Variants in MAPK10 observed in about 807,000 individuals in gnomAD.
MAPK10 encodes the protein JNK3 alpha protein kinase.
A neutral mutation model predicts 59.3 loss-of-function variants in MAPK10; 25 were observed. The ratio of observed to expected loss-of-function variants is 0.42; its 90% CI spans 0.31 to 0.59. The LOEUF (loss-of-function observed/expected upper bound fraction) is 0.59. Among genes scored for constraint, MAPK10 ranks in the 20% least tolerant of loss-of-function variants. MAPK10 has a pLI of 0.15. For synonymous variants in MAPK10, 190 were observed against 200.5 expected (o/e 0.95, Z 0.44); for missense variants, 351 against 568.9 (o/e 0.62, Z 3.90).
At chr4:86,184,640 T>C (rs1329654263) in intron 3 of MAPK10, among the ~76,000 whole-genome samples, 1 of 152,064 alleles carries the variant, frequency 6.6e-6, no homozygotes, top group African/African-American at 2.4e-5. Flanking sequence ...CTCACTACAG[T>C]GAGTGAGTTC....
intron 1 of MAPK10, among the ~76,000 whole-genome samples, chr4:86,466,930 T>C (rs1056971428): frequency 6.6e-6 from 1 of 152,220 alleles, no homozygotes; most frequent in African/African-American, 2.4e-5. Flanking sequence ...TGTGGGTCTG[T>C]TGTCTCTCTT....
intron 2 of MAPK10, among the ~76,000 whole-genome samples, chr4:86,343,823 A>T (rs1726510866): frequency 6.6e-6 from 1 of 152,238 alleles, no homozygotes; most frequent in Admixed American, 6.5e-5. Context: ...CAGATTGGCA[A>T]AAGTGTAAAA....
intron 1 of MAPK10, among the ~76,000 whole-genome samples, chr4:86,487,512 G>A (rs559904339): frequency 4.6e-5 from 7 of 152,060 alleles, no homozygotes; most frequent in Admixed American, 2.0e-4. Context: ...AGTGGATCAC[G>A]AAGTCAGGAG....
At chr4:86,166,520 T>G (rs759205716) in intron 3 of MAPK10, among the ~76,000 whole-genome samples, 4 of 152,110 alleles carry the variant, frequency 2.6e-5, no homozygotes, top group Non-Finnish European at 5.9e-5. Context: ...GTTAGCAGTT[T>G]TAGAGTATTT....
chr4:86,453,675 G>T (rs1443891735), upstream of MAPK10, among the ~76,000 whole-genome samples: 1 of 148,688 alleles, frequency 6.7e-6, no homozygotes, highest in Non-Finnish European at 1.5e-5. Context: ...TCCTTCCCAA[G>T]CCATCCTGGT....
At chr4:86,386,494 G>A (rs1054701007) in intron 1 of MAPK10, among the ~76,000 whole-genome samples, 1 of 152,122 alleles carries the variant, frequency 6.6e-6, no homozygotes, top group Middle Eastern at 3.2e-3. Context: ...TTGGTTCATT[G>A]GTTCGCTTGG....
intron 2 of MAPK10, among the ~76,000 whole-genome samples, chr4:86,209,441 C>G (rs2085158292): frequency 1.3e-5 from 2 of 152,046 alleles, no homozygotes; most frequent in African/African-American, 4.8e-5. Context: ...ACTCTGGAGT[C>G]TATTGAAGGC....
intron 1 of MAPK10, among the ~76,000 whole-genome samples, chr4:86,525,140 A>C (rs1296824318): frequency 6.6e-6 from 1 of 151,956 alleles, no homozygotes; most frequent in East Asian, 1.9e-4. Flanking sequence ...CACCAAAAAT[A>C]CAAAAAATTA....
intron 2 of MAPK10, among the ~76,000 whole-genome samples, chr4:86,295,058 C>T (rs2095323168): frequency 6.6e-6 from 1 of 152,200 alleles, no homozygotes; most frequent in Admixed American, 6.5e-5. Context: ...ACATCAAAGC[C>T]TGCTCTGCAC....
intron 2 of MAPK10, among the ~76,000 whole-genome samples, chr4:86,218,237 G>A (rs2035057): frequency 4.0e-5 from 6 of 151,774 alleles, no homozygotes; most frequent in Non-Finnish European, 8.8e-5. Context: ...GGAGTCTCAC[G>A]CTGTCACCTA....
intron 2 of MAPK10, among the ~76,000 whole-genome samples, chr4:86,350,651 G>A (rs1043996540): frequency 2.0e-5 from 3 of 152,288 alleles, no homozygotes; most frequent in South Asian, 4.1e-4. Flanking sequence ...CACCTGGCCA[G>A]AAGTATGGCA....
At chr4:86,214,759 AT>A (rs1393122692) in intron 2 of MAPK10, among the ~76,000 whole-genome samples, 2 of 152,116 alleles carry the variant, frequency 1.3e-5, no homozygotes, top group Non-Finnish European at 2.9e-5. Flanking sequence ...ACTGAAATGT[AT>A]TTTTAAAAGG....
Position 86,228,220 on chromosome 4 carries a change from T to C in MAPK10, c.-6-33813A>G, listed in dbSNP as rs545457548. Among the ~76,000 whole-genome samples the C allele has an allele frequency of 9.9e-5, 15 of 152,266 alleles. 1 individual carries two copies. The South Asian group carries it at 2.9e-3, about 29-fold the overall frequency. On this transcript the variant is annotated intron_variant, in intron 2 of 13. Coordinates refer to ENST00000641462, the MANE Select transcript of MAPK10 (RefSeq NM_138982.4). Reference sequence around the variant, plus strand: ...TAGGTTGATGTGTAAGAGAGTTTGATAAAGGAAATGGTTAGGAGCATGGGC... The same window carrying C: ...TAGGTTGATGTGTAAGAGAGTTTGACAAAGGAAATGGTTAGGAGCATGGGC...
At chr4:86,465,718 C>T (rs112671002) in intron 1 of MAPK10, among the ~76,000 whole-genome samples, 1,548 of 152,282 alleles carry the variant, frequency 0.01, 11 homozygotes, top group Admixed American at 0.014. Flanking sequence ...TGGATATCAT[C>T]AGGACACCTG....
chr4:86,263,045 G>A (rs2094072721), intron 2 of MAPK10, among the ~76,000 whole-genome samples: 1 of 152,162 alleles, frequency 6.6e-6, no homozygotes, highest in Admixed American at 6.5e-5. Flanking sequence ...ATCAGGGGCT[G>A]CAAAGGTCAC....
At chr4:86,498,344 T>C (rs1278565843) in intron 1 of MAPK10, among the ~76,000 whole-genome samples, 1 of 152,228 alleles carries the variant, frequency 6.6e-6, no homozygotes, top group Non-Finnish European at 1.5e-5. Context: ...ATCACTTTTA[T>C]TGATAATAAA....
chr4:86,403,194 C>A (rs1017956136), intron 1 of MAPK10, among the ~76,000 whole-genome samples: 4 of 152,034 alleles, frequency 2.6e-5, no homozygotes, highest in African/African-American at 9.7e-5. Context: ...AGACTTAGAG[C>A]CTGTATTAGT....
intron 2 of MAPK10, among the ~76,000 whole-genome samples, chr4:86,292,268 G>T (rs1293719896): frequency 4.6e-5 from 7 of 152,114 alleles, no homozygotes; most frequent in Non-Finnish European, 4.4e-5. Flanking sequence ...GATCTCAATG[G>T]CTATTAAGAA....
intron 1 of MAPK10, among the ~76,000 whole-genome samples, chr4:86,434,648 T>G (rs560415616): frequency 3.9e-5 from 6 of 152,194 alleles, no homozygotes; most frequent in Non-Finnish European, 7.4e-5. Flanking sequence ...CAATAACAGT[T>G]GCTGGCAAGG....
Sources: gnomAD v4.1 joint callset for allele counts (sites outside exome capture counted in the v4.1 genomes callset) on GRCh38, gnomAD v4.1.1 for gene constraint, MANE v1.5 for transcripts, NCBI Gene and HGNC (gene_info 2026-07-23, HGNC 2026-07-21) for gene names.